The following ALCAM variants were observed in gnomAD, a reference collection of about 807,000 sequenced individuals.
The protein encoded by ALCAM is activated leukocyte cell adhesion molecule.
A neutral mutation model predicts 70.9 loss-of-function variants in ALCAM; 30 were observed. That is an observed-to-expected ratio of 0.42 (90% confidence interval 0.32 to 0.57). The LOEUF is 0.57. Ranked by LOEUF, ALCAM falls within the 20% of genes least tolerant of loss-of-function variation. The pLI, the probability that ALCAM is intolerant of heterozygous loss-of-function variation, is 0.11. For missense variants in ALCAM, 591 were observed against 695.1 expected (o/e 0.85, Z 1.68); for synonymous variants, 249 against 242.5 (o/e 1.03, Z -0.25).
chr3:105,371,292 T>G (rs1249464231), intron 1 of ALCAM, among the ~76,000 whole-genome samples: 3 of 152,172 alleles, frequency 2.0e-5, no homozygotes, highest in Admixed American at 6.5e-5. Context: ...GGAAAATTAT[T>G]TTTCTGCTCT....
intron 14 of ALCAM, 97 bp from the exon 15 acceptor site, chr3:105,571,755 T>G (rs1940865545): frequency 2.1e-6 from 2 of 933,014 alleles, no homozygotes; most frequent in East Asian, 2.7e-5. Flanking sequence ...GTAAAACATT[T>G]GCTTTTCAAA....
At chr3:105,475,574 T>G (rs1000088359) in intron 1 of ALCAM, among the ~76,000 whole-genome samples, 1 of 152,082 alleles carries the variant, frequency 6.6e-6, no homozygotes, top group African/African-American at 2.4e-5. Flanking sequence ...ACAGAAGACT[T>G]CATCACGAAC....
chr3:105,497,209 C>T (rs891707568), intron 1 of ALCAM, among the ~76,000 whole-genome samples: 16 of 152,008 alleles, frequency 1.1e-4, no homozygotes, highest in African/African-American at 3.9e-4. Flanking sequence ...TAAAAGGTCA[C>T]AGAATATACT....
At chr3:105,432,021 C>T (rs565278403) in intron 1 of ALCAM, among the ~76,000 whole-genome samples, 23 of 151,946 alleles carry the variant, frequency 1.5e-4, no homozygotes, top group Admixed American at 9.8e-4. Context: ...TCTGAAAAAA[C>T]GAAAGAATAA....
intron 1 of ALCAM, among the ~76,000 whole-genome samples, chr3:105,502,120 T>G (rs1419612493): frequency 3.9e-5 from 6 of 152,194 alleles, no homozygotes; most frequent in Non-Finnish European, 8.8e-5. Flanking sequence ...AACTGAAAAT[T>G]AACTGTATGC....
At chr3:105,369,745 A>C (rs1193627431) in intron 1 of ALCAM, among the ~76,000 whole-genome samples, 1 of 151,494 alleles carries the variant, frequency 6.6e-6, no homozygotes, top group Non-Finnish European at 1.5e-5. Context: ...GAGGTCAAAA[A>C]CTCGAGTTTG....
chr3:105,394,394 G>A (rs1380325455), intron 1 of ALCAM, among the ~76,000 whole-genome samples: 1 of 151,874 alleles, frequency 6.6e-6, no homozygotes, highest in African/African-American at 2.4e-5. Flanking sequence ...AACACGTCAT[G>A]ATCTGGAAAT....
At chr3:105,441,535 A>C (rs889566720) in intron 1 of ALCAM, among the ~76,000 whole-genome samples, 4 of 152,224 alleles carry the variant, frequency 2.6e-5, no homozygotes, top group African/African-American at 9.6e-5. Flanking sequence ...AAACATATGG[A>C]GCTGTAAATC....
chr3:105,429,522 G>T (rs976346000), intron 1 of ALCAM, among the ~76,000 whole-genome samples: 4 of 151,912 alleles, frequency 2.6e-5, no homozygotes, highest in African/African-American at 2.4e-5. Flanking sequence ...CTGAATAAAG[G>T]TTATAATTGT....
chr3:105,512,226 C>A (rs550785782), intron 1 of ALCAM, among the ~76,000 whole-genome samples: 4 of 152,018 alleles, frequency 2.6e-5, no homozygotes, highest in Admixed American at 6.6e-5. Context: ...TTGCAGAAAA[C>A]AAATTTAATA....
intron 1 of ALCAM, among the ~76,000 whole-genome samples, chr3:105,473,854 G>T (rs1319271151): frequency 6.6e-6 from 1 of 151,322 alleles, no homozygotes; most frequent in Non-Finnish European, 1.5e-5. Context: ...GTGAGCTGCT[G>T]ATAATAAGGC....
intron 1 of ALCAM, among the ~76,000 whole-genome samples, chr3:105,515,497 C>A (rs376608757): frequency 6.6e-6 from 1 of 151,936 alleles, no homozygotes; most frequent in Non-Finnish European, 1.5e-5. Flanking sequence ...TGTGAGAAAC[C>A]AATGGCTGAA....
chr3:105,542,752 TACATTGGGGAATAAAGCA>T (rs535745179), intron 8 of ALCAM, among the ~76,000 whole-genome samples: 50 of 151,812 alleles, frequency 3.3e-4, no homozygotes, highest in Admixed American at 1.8e-3. Flanking sequence ...TACAGGGAGG[TACATTGGGGAATAAAGCA>T]ACCAGATGGT....
At chr3:105,374,548 C>T (rs1935330275) in intron 1 of ALCAM, among the ~76,000 whole-genome samples, 1 of 152,088 alleles carries the variant, frequency 6.6e-6, no homozygotes, top group African/African-American at 2.4e-5. Context: ...CGGTGTCTCG[C>T]TCTTGTTACC....
At chr3:105,517,581 G>A (rs1250070303) in intron 1 of ALCAM, among the ~76,000 whole-genome samples, 1 of 152,040 alleles carries the variant, frequency 6.6e-6, no homozygotes, top group Non-Finnish European at 1.5e-5. Flanking sequence ...TGCAAATTAG[G>A]GAGCACAAGT....
At chr3:105,544,045 G>A (rs1312487891) in intron 8 of ALCAM, among the ~76,000 whole-genome samples, 1 of 151,580 alleles carries the variant, frequency 6.6e-6, no homozygotes, top group East Asian at 1.9e-4. Context: ...TGATGTTGCA[G>A]TCAACAAGTT....
chr3:105,494,972 C>T (rs1416383452), intron 1 of ALCAM, among the ~76,000 whole-genome samples: 1 of 152,116 alleles, frequency 6.6e-6, no homozygotes, highest in Non-Finnish European at 1.5e-5. Context: ...ACTGTTTTCT[C>T]TTTACTCTTA....
At chr3:105,563,510 A>G (rs542296511) in intron 14 of ALCAM, among the ~76,000 whole-genome samples, 1 of 151,446 alleles carries the variant, frequency 6.6e-6, no homozygotes, top group East Asian at 1.9e-4. Flanking sequence ...TTCTTCTTTT[A>G]TAAGACAAGC....
intron 1 of ALCAM, among the ~76,000 whole-genome samples, chr3:105,371,201 G>C (rs942583614): frequency 2.8e-4 from 42 of 152,202 alleles, no homozygotes; most frequent in African/African-American, 9.9e-4. Flanking sequence ...ATAGTCTTGT[G>C]TTATTAGAAA....
Sources: allele counts gnomAD v4.1 joint callset (sites outside exome capture counted in the v4.1 genomes callset), GRCh38; gene constraint gnomAD v4.1.1; transcripts MANE v1.5; gene names NCBI Gene and HGNC (gene_info 2026-07-23, HGNC 2026-07-21).